ATP7B: variants seen among roughly 807,000 people sequenced by gnomAD.
ATP7B encodes the protein ATPase copper transporting beta.
ATP7B carries 113 observed loss-of-function variants against 118.9 expected under a neutral mutation model. The ratio of observed to expected loss-of-function variants is 0.95; its 90% CI spans 0.82 to 1.11. The LOEUF is 1.11. Ranked by LOEUF, ATP7B falls within the 50% of genes most tolerant of loss-of-function variation. ATP7B has a pLI of 0.00. For missense variants in ATP7B, 1,867 were observed against 1,871.4 expected (o/e 1.00, Z 0.04); for synonymous variants, 777 against 727.4 (o/e 1.07, Z -1.10).
intron 1 of ATP7B, among the ~76,000 whole-genome samples, chr13:51,985,866 G>A (rs1191458315): frequency 6.6e-6 from 1 of 152,196 alleles, no homozygotes; most frequent in East Asian, 1.9e-4. Context: ...TGAAGCCAAT[G>A]AGAACAAAGA....
At chr13:51,980,295 C>A (rs1309172721) in intron 1 of ATP7B, among the ~76,000 whole-genome samples, 1 of 152,094 alleles carries the variant, frequency 6.6e-6, no homozygotes, top group Non-Finnish European at 1.5e-5. Flanking sequence ...AGACCCAACA[C>A]CAGGCTTTAG....
chr13:51,959,954 T>TG (rs1255716222), intron 7 of ATP7B, 194 bp downstream of exon 7: 46 of 670,028 alleles, frequency 6.9e-5, no homozygotes, highest in East Asian at 1.1e-4. Context: ...TCCCCCACAC[T>TG]GGGGGGGCCC....
At chr13:52,009,993 A>T (rs1953946802) in intron 1 of ATP7B, among the ~76,000 whole-genome samples, 1 of 152,220 alleles carries the variant, frequency 6.6e-6, no homozygotes, top group South Asian at 2.1e-4. Context: ...CGCTATTATC[A>T]GAGGATTCCA....
Position 51,964,954 on chromosome 13 carries a change from G to A in ATP7B, c.1787C>T (p.Ser596Phe). Residue 596 changes from serine (S) to phenylalanine (F), a missense_variant, in exon 5 of 21, where the codon TCC becomes TTC. By Grantham distance (155) the Ser-to-Phe change is radical. Transcript: ENST00000242839. ...GGCTTTGCTGGTGGCAAGGGCAACG[G>A]AGGCATAAGTGATGCCATTTGTCCT... is the stretch of plus-strand genomic sequence containing the variant. ...LTRTNGITYASVALATSKALV... is the reference protein window; with the variant it reads ...LTRTNGITYAFVALATSKALV... 2 of 1,614,168 alleles carry A rather than the reference G, an allele frequency of 1.2e-6. No homozygotes were observed. The highest frequency in any genetic ancestry group is 1.7e-6 in the Non-Finnish European group (2 of 1,180,022).
At chr13:51,937,756 C>T in intron 17 of ATP7B, 77 bp from the exon 18 acceptor site, 2 of 1,531,130 alleles carry the variant, frequency 1.3e-6, no homozygotes, top group African/African-American at 1.4e-5. Flanking sequence ...TTACCCTTGC[C>T]CCCTCTGCCC....
chr13:51,955,808 C>T (rs1200464569), intron 9 of ATP7B, among the ~76,000 whole-genome samples: 3 of 152,160 alleles, frequency 2.0e-5, no homozygotes, highest in Middle Eastern at 3.4e-3. Context: ...GAAGCCAAGG[C>T]ATGTGACTGC....
At chr13:52,009,790 T>A (rs190850894) in intron 1 of ATP7B, among the ~76,000 whole-genome samples, 1 of 152,236 alleles carries the variant, frequency 6.6e-6, no homozygotes, top group East Asian at 1.9e-4. Context: ...AAATCCCCAG[T>A]GTCTAAAACT....
chr13:52,001,629 C>T (rs1447127872), intron 1 of ATP7B, among the ~76,000 whole-genome samples: 1 of 152,160 alleles, frequency 6.6e-6, no homozygotes, highest in East Asian at 1.9e-4. Context: ...CCCAAATGAT[C>T]CCATCTAAAT....
chr13:52,008,116 C>T (rs571348779), intron 1 of ATP7B, among the ~76,000 whole-genome samples: 17 of 151,734 alleles, frequency 1.1e-4, no homozygotes, highest in African/African-American at 2.7e-4. Context: ...CCGAGGTGGG[C>T]GGATCACGAG....
rs781024184 is a variant in ATP7B, at chr13:51,950,380, C to G, written c.2467G>C (p.Glu823Gln). 1.2e-6 allele frequency: 2 copies of G among 1,614,136 alleles called. No individual in the cohort carries two copies. The highest frequency in any genetic ancestry group is 1.7e-6 in the Non-Finnish European group (2 of 1,180,024). ...ACGATATCGCCCCGCTGCACCAGCT[C>G]CATGGGGACTTGCTCCTCCCTGCAA... ...LIIREEQVPMELVQRGDIVKV... is the reference protein window; with the variant it reads ...LIIREEQVPMQLVQRGDIVKV... Residue 823 changes from glutamate to glutamine, a missense_variant, in exon 10 of 21, where the codon GAG (glutamate) becomes CAG (glutamine). Transcript: ENST00000242839.
chr13:51,940,424 C>A (rs781066969), intron 16 of ATP7B, among the ~76,000 whole-genome samples: 6 of 151,248 alleles, frequency 4.0e-5, no homozygotes, highest in Non-Finnish European at 8.9e-5. Flanking sequence ...GAGGCCAAGG[C>A]AAGCAGATCA....
chr13:51,956,936 T>G (rs1381374533), intron 9 of ATP7B, among the ~76,000 whole-genome samples: 1 of 152,172 alleles, frequency 6.6e-6, no homozygotes, highest in African/African-American at 2.4e-5. Context: ...GCTTAGCCTC[T>G]CTGAACCTCA....
intron 9 of ATP7B, among the ~76,000 whole-genome samples, chr13:51,950,945 G>A (rs752505697): frequency 2.6e-5 from 4 of 152,154 alleles, no homozygotes; most frequent in Non-Finnish European, 4.4e-5. Context: ...TAAGTGACGT[G>A]CAAGTTGAGG....
At chr13:51,942,744 T>G (rs1203335940) in intron 14 of ATP7B, among the ~76,000 whole-genome samples, 190 bp from the exon 15 acceptor site, 1 of 152,112 alleles carries the variant, frequency 6.6e-6, no homozygotes, top group African/African-American at 2.4e-5. Flanking sequence ...AACTTGTAAT[T>G]ATTTCTCCCT....
intron 9 of ATP7B, 83 bp downstream of exon 9, chr13:51,957,433 T>A: frequency 7.3e-7 from 1 of 1,372,592 alleles, no homozygotes; most frequent in Non-Finnish European, 1.0e-6. Context: ...TCTATTGCAA[T>A]GTCAATACAA....
At chr13:51,958,790 T>G in intron 7 of ATP7B, 1 of 547,726 alleles carries the variant, frequency 1.8e-6, no homozygotes, top group Non-Finnish European at 3.3e-6. Flanking sequence ...AAATGTCCTC[T>G]AATAAGAGAA....
intron 1 of ATP7B, among the ~76,000 whole-genome samples, chr13:52,001,869 C>T (rs1282887695): frequency 6.6e-6 from 1 of 152,164 alleles, no homozygotes; most frequent in Non-Finnish European, 1.5e-5. Flanking sequence ...TGGCTCACTG[C>T]AGCCTCCGCC....
At chr13:51,949,154 C>A (rs1200592721) in intron 12 of ATP7B, among the ~76,000 whole-genome samples, 1 of 151,938 alleles carries the variant, frequency 6.6e-6, no homozygotes, top group East Asian at 1.9e-4. Flanking sequence ...CACTCCAGCC[C>A]GGGAAACAGA....
chr13:51,949,984 A>C, intron 11 of ATP7B, 23 bp downstream of exon 11: 1 of 1,614,204 alleles, frequency 6.2e-7, no homozygotes, highest in Non-Finnish European at 8.5e-7. Context: ...AGATGAAGTT[A>C]GTTTTAAAAA....
Sources: gnomAD v4.1 joint callset for allele counts (sites outside exome capture counted in the v4.1 genomes callset) on GRCh38, gnomAD v4.1.1 for gene constraint, MANE v1.5 for transcripts, NCBI Gene and HGNC (gene_info 2026-07-23, HGNC 2026-07-21) for gene names.